Variants in RFX1 observed in about 807,000 individuals in gnomAD.
The protein encoded by RFX1 is regulatory factor X1, also known as MHC class II regulatory factor RFX1.
In RFX1, 42 loss-of-function variants were observed where a neutral mutation model predicts 119.6. That is an observed-to-expected ratio of 0.35 (90% confidence interval 0.27 to 0.45). The LOEUF is 0.45. Ranked by LOEUF, RFX1 falls within the 20% of genes least tolerant of loss-of-function variation. The pLI, the probability that RFX1 is intolerant of heterozygous loss-of-function variation, is 1.00. For missense variants in RFX1, 1,118 were observed against 1,368.1 expected (o/e 0.82, Z 2.88); for synonymous variants, 628 against 618.5 (o/e 1.02, Z -0.23).
At chr19:13,989,728 G>A (rs1347624037) in intron 2 of RFX1, among the ~76,000 whole-genome samples, 2 of 152,218 alleles carry the variant, frequency 1.3e-5, no homozygotes, top group African/African-American at 4.8e-5. Flanking sequence ...ACCTGGCTTG[G>A]AGCCATCAGG....
In RFX1 at chr19:13,969,302, G is replaced by A. The variant is rs1362213590; in HGVS notation, c.1497-408C>T. ...AAGCACTGACTAGGTACAACCCCGC[G>A]TCATCGAGGTACGAGCACTGCAGAC... On this transcript the variant is annotated intron_variant, in intron 10 of 20. Transcript: ENST00000254325. The surrounding 1 kb of genome is among the most constrained non-coding windows in gnomAD (Gnocchi z 4.5). 1.3e-5 allele frequency among the ~76,000 whole-genome samples: 2 copies of A among 152,084 alleles called. No homozygotes were observed. Among genetic ancestry groups the A allele is most frequent in the East Asian group, 1.9e-4 (1 of 5,192 alleles).
intron 1 of RFX1, among the ~76,000 whole-genome samples, chr19:14,002,642 G>A (rs1173214492): frequency 1.3e-5 from 2 of 152,070 alleles, no homozygotes; most frequent in East Asian, 1.9e-4. Context: ...TGCTGAGACC[G>A]TGTGAGAAAG....
At chr19:13,996,652 C>T (rs1975032244) in intron 1 of RFX1, among the ~76,000 whole-genome samples, 1 of 151,364 alleles carries the variant, frequency 6.6e-6, no homozygotes, top group Admixed American at 6.6e-5. Context: ...CCAGGTCTCT[C>T]TGACCCCCAG....
At chr19:13,973,208 GT>G in intron 8 of RFX1, 81 bp from the exon 9 acceptor site, 1 of 734,912 alleles carries the variant, frequency 1.4e-6, no homozygotes, top group East Asian at 4.1e-5. Context: ...AGGAAGGGGG[GT>G]CCTAGGAGGG....
Position 13,983,523 on chromosome 19 carries a change from G to T in RFX1, c.392C>A (p.Pro131His). 6.2e-7 allele frequency: 1 copy of T among 1,611,690 alleles called. No individual in the cohort carries two copies. Residue 131 changes from proline (P) to histidine (H), a missense_variant, in exon 3 of 21, where the codon CCT (proline) becomes CAT (histidine). Transcript: ENST00000254325. ...PGSTASQTGV[P>H]TQVVQQVQGT... ...CTGCACCTGCTGAACCACCTGAGTA[G>T]GAACGCCGGTCTGGCTGGCGGTGGA...
At chr19:14,003,409 A>G (rs1975279490) in intron 1 of RFX1, among the ~76,000 whole-genome samples, 1 of 152,114 alleles carries the variant, frequency 6.6e-6, no homozygotes, top group Non-Finnish European at 1.5e-5. Context: ...GATCCCTGTC[A>G]TCGACCCACA....
intron 9 of RFX1, 120 bp from the exon 10 acceptor site, chr19:13,970,295 G>A (rs1439090648): frequency 1.3e-6 from 1 of 769,122 alleles, no homozygotes; most frequent in Non-Finnish European, 2.1e-6. Flanking sequence ...GCCCACATAA[G>A]TTAGCACATC....
chr19:13,978,453 G>T (rs904222638), intron 7 of RFX1, among the ~76,000 whole-genome samples: 1 of 152,204 alleles, frequency 6.6e-6, no homozygotes, highest in Non-Finnish European at 1.5e-5. Context: ...CCTGGAAACC[G>T]GGCACAGGAT....
chr19:13,993,986 G>T, intron 1 of RFX1, 91 bp from the exon 2 acceptor site: 1 of 763,336 alleles, frequency 1.3e-6, no homozygotes, highest in Non-Finnish European at 2.1e-6. Context: ...GAGAAAGCAG[G>T]GACAGCTCTG....
intron 1 of RFX1, among the ~76,000 whole-genome samples, chr19:13,994,470 C>T (rs892819785): frequency 2.0e-5 from 3 of 152,096 alleles, no homozygotes; most frequent in Non-Finnish European, 4.4e-5. Flanking sequence ...AATTCCAGCA[C>T]TTTGGGAGGC....
chr19:13,993,012 C>T (rs754825441), intron 2 of RFX1, among the ~76,000 whole-genome samples: 78 of 152,292 alleles, frequency 5.1e-4, no homozygotes, highest in Admixed American at 2.1e-3. Context: ...CACAGCTGCA[C>T]ACCTGTGGTC....
rs750340185 is a variant in RFX1 at position 13,972,881 on chromosome 19, C to CCCG, written c.1173_1175dup (p.Gly399dup). 54 of 1,557,938 alleles carry CCCG rather than the reference C, an allele frequency of 3.5e-5. No homozygotes were observed. In the African/African-American group the frequency reaches 3.9e-4, roughly 11 times the overall value. On this transcript the variant is annotated inframe_insertion, in exon 9 of 21. Coordinates refer to ENST00000254325, the MANE Select transcript of RFX1 (RefSeq NM_002918.5). The stretch of plus-strand genomic sequence containing the variant: ...CACTGCCACCCCCGCCACCGCCTCC[C>CCCG]CCGCCGCCGCCGCCACCACCACTGC...
At position 13,963,698 on chromosome 19, in the gene RFX1, G is replaced by A; in HGVS notation, c.2410C>T (p.Leu804=). ...CRCEDRVVQR[L]EQDFKVTLQQ... ...AGCGTCACCTTGAAGTCCTGCTCCAGCCGCTGCACCACGCGGTCCTCGCAG... is the reference window on the plus strand; with the variant it reads ...AGCGTCACCTTGAAGTCCTGCTCCAACCGCTGCACCACGCGGTCCTCGCAG... Residue 804 remains leucine, a synonymous_variant, in exon 18 of 21, where the codon CTG becomes TTG. Transcript: ENST00000254325. 1 of 1,605,042 alleles carries A rather than the reference G, an allele frequency of 6.2e-7. No homozygotes were observed. Among genetic ancestry groups the A allele is most frequent in the Non-Finnish European group, 8.5e-7 (1 of 1,177,862 alleles).
At chr19:14,006,351 G>T (rs1411205926), upstream of RFX1, 1 of 152,248 alleles carries the variant, frequency 6.6e-6, no homozygotes, top group African/African-American at 2.4e-5. Flanking sequence ...CGTCACGCGC[G>T]GGGGCGGGGC....
chr19:13,968,533 G>C lies in RFX1; in HGVS notation c.1732+32C>G, dbSNP rs760717254. 4.5e-6 allele frequency: 7 copies of C among 1,548,120 alleles called. No individual in the cohort carries two copies. In the African/African-American group the frequency reaches 6.8e-5, roughly 15 times the overall value. ...CGTCTGCACGGGGCAGGGAGGCGGT[G>C]GTTGGGGAAGCACGGGCCAGGGAGC... On this transcript the variant is annotated intron_variant, in intron 12 of 20. Coordinates refer to ENST00000254325, the MANE Select transcript of RFX1 (RefSeq NM_002918.5). This position sits in a 1 kb window ranked among gnomAD's most constrained non-coding sequence, Gnocchi z 5.5.
intron 12 of RFX1, among the ~76,000 whole-genome samples, chr19:13,967,438 A>G (rs1599476686): frequency 6.6e-6 from 1 of 150,530 alleles, no homozygotes; most frequent in African/African-American, 2.4e-5. Context: ...CGGCCTCCCA[A>G]CGTGCTGGGA....
At chr19:13,998,906 C>T (rs1384946233) in intron 1 of RFX1, among the ~76,000 whole-genome samples, 3 of 152,140 alleles carry the variant, frequency 2.0e-5, no homozygotes, top group Admixed American at 2.0e-4. Flanking sequence ...GGATACAAAG[C>T]CCATGGGCCT....
rs2145520491 is a variant in RFX1 at position 13,962,674 on chromosome 19, T to TGGGGGGGGGGGGGGGGG, written c.*20_*21insCCCCCCCCCCCCCCCCC. ...GGCGTGGAGGGGTGGCGGGGGCGGG[T>TGGGGGGGGGGGGGGGGG]GGGGCGGGGAGGCCAAGGGCTTAGC... On this transcript the variant is annotated 3_prime_UTR_variant, in exon 21 of 21. Coordinates refer to ENST00000254325, the MANE Select transcript of RFX1 (RefSeq NM_002918.5). The TGGGGGGGGGGGGGGGGG allele has an allele frequency of 2.8e-6, 1 of 356,508 alleles. No individual in the cohort carries two copies. The highest frequency in any genetic ancestry group is 3.2e-6 in the Non-Finnish European group (1 of 314,626). The allele number at this position is 356,508 out of a possible 1,614,324, so 22.1% of individuals were successfully genotyped here.
Position 13,966,766 on chromosome 19 carries a change from G to A in RFX1, c.1733-15C>T. The A allele has an allele frequency of 6.4e-7, 1 of 1,553,912 alleles. No individual in the cohort carries two copies. Among genetic ancestry groups the A allele is most frequent in the Non-Finnish European group, 8.8e-7 (1 of 1,135,314 alleles). On this transcript the variant is annotated splice_polypyrimidine_tract_variant and intron_variant, in intron 12 of 20. Coordinates refer to ENST00000254325, the MANE Select transcript of RFX1 (RefSeq NM_002918.5). This position sits in a 1 kb window ranked among gnomAD's most constrained non-coding sequence, Gnocchi z 6.3. ...CCGAGAGGCATCTAGGGGGCCGGGG[G>A]GAACCGTGAGGCCCTTCATCCCCCT...
Sources: gnomAD v4.1 joint callset for allele counts (sites outside exome capture counted in the v4.1 genomes callset) on GRCh38, gnomAD v4.1.1 for gene constraint, Gnocchi (gnomAD v3.1) non-coding constraint, MANE v1.5 for transcripts, NCBI Gene and HGNC (gene_info 2026-07-23, HGNC 2026-07-21) for gene names.